FAT1: variants seen among roughly 807,000 people sequenced by gnomAD.
FAT1 encodes the protein FAT atypical cadherin 1, also known as protocadherin Fat 1.
FAT1 carries 171 observed loss-of-function variants against 329.8 expected under a neutral mutation model. That is an observed-to-expected ratio of 0.52 (90% CI 0.46 to 0.59). The LOEUF is 0.59. Among genes scored for constraint, FAT1 ranks in the 20% least tolerant of loss-of-function variants. The probability of loss-of-function intolerance (pLI) is 0.00; values close to 1 mark genes in which losing one functional copy is unlikely to be tolerated. For missense variants in FAT1, 5,672 were observed against 5,774.4 expected (o/e 0.98, Z 0.57); for synonymous variants, 2,233 against 2,228.6 (o/e 1.00, Z -0.06).
At chr4:186,641,501 G>A (rs1233555250) in intron 3 of FAT1, among the ~76,000 whole-genome samples, 11 of 152,212 alleles carry the variant, frequency 7.2e-5, no homozygotes, top group South Asian at 2.1e-4. Context: ...TTATTGTAAT[G>A]TGTCCACCAA....
At chr4:186,590,345 A>C in intron 26 of FAT1, 1 of 1,284,100 alleles carries the variant, frequency 7.8e-7, no homozygotes, top group Non-Finnish European at 1.0e-6. Context: ...AGTATCAATG[A>C]ATAACTGGCA....
chr4:186,705,374 A>T (rs1354260259), intron 2 of FAT1, among the ~76,000 whole-genome samples: 1 of 152,154 alleles, frequency 6.6e-6, no homozygotes, highest in Non-Finnish European at 1.5e-5. Context: ...TACTGAATAT[A>T]TAAAGTTTAA....
At chr4:186,642,585 C>T (rs188976912) in intron 3 of FAT1, among the ~76,000 whole-genome samples, 107 of 152,262 alleles carry the variant, frequency 7.0e-4, no homozygotes, top group African/African-American at 2.2e-3. Flanking sequence ...ACAGAGAATG[C>T]GTTAGTACAT....
At chr4:186,701,623 C>T (rs1456777091) in intron 2 of FAT1, among the ~76,000 whole-genome samples, 1 of 152,208 alleles carries the variant, frequency 6.6e-6, no homozygotes, top group Non-Finnish European at 1.5e-5. Flanking sequence ...CCAGCAGCCA[C>T]CCAGCTCTCA....
In FAT1 at chr4:186,600,236, T is replaced by A. The variant is rs368017987; in HGVS notation, c.11765A>T (p.Tyr3922Phe). ...HAVALEVNGN[Y>F]ARLVLDQVHT... ...AACTTGGTCTAGAACCAAGCGAGCA[T>A]AGTTTCCATTCACTTCCAGGGCCAC... is the stretch of plus-strand genomic sequence containing the variant. The change falls in exon 22 of 27, where the codon TAT becomes TTT. Residue 3922 changes from tyrosine (Y) to phenylalanine (F), a missense_variant. Transcript: ENST00000441802. 6.2e-7 allele frequency: 1 copy of A among 1,613,900 alleles called. No individual in the cohort carries two copies. The highest frequency in any genetic ancestry group is 8.5e-7 in the Non-Finnish European group (1 of 1,179,900).
rs747735486 is a variant in FAT1 at position 186,606,135 on chromosome 4, C to T, written c.10285G>A (p.Asp3429Asn). Residue 3429 changes from aspartate (D) to asparagine (N), a missense_variant, in exon 17 of 27, where the codon GAT becomes AAT. Transcript: ENST00000441802. ...GCGTTGTCATTGACATCGGACACAT[C>T]GATGTTCACGGTCGTCGTGTTGACT... ...PRVNTTTVNI[D>N]VSDVNDNAPV... The T allele has an allele frequency of 5.0e-6, 8 of 1,613,300 alleles. No individual in the cohort carries two copies. The highest frequency in any genetic ancestry group is 6.8e-6 in the Non-Finnish European group (8 of 1,179,792).
In FAT1 at chr4:186,617,840, G is replaced by T; in HGVS notation, c.8746C>A (p.Pro2916Thr). The stretch of plus-strand genomic sequence containing the variant: ...TTATAGATCTCGGCCGTGAATCGTG[G>T]TGGACTATCGTTGACATCGGTGACG... The part of the protein sequence containing the change: ...VTVTDVNDSP[P>T]RFTAEIYKGT... Residue 2916 changes from proline (P) to threonine (T), a missense_variant, in exon 10 of 27, where the codon CCA becomes ACA. Around this residue, in one of 2 missense-constraint regions of FAT1, gnomAD observed 3,966 missense variants for 3,915.2 expected, o/e 1.01. Coordinates refer to ENST00000441802, the MANE Select transcript of FAT1 (RefSeq NM_005245.4). The T allele has an allele frequency of 4.3e-6, 7 of 1,613,896 alleles. No individual in the cohort carries two copies. Among genetic ancestry groups the T allele is most frequent in the Non-Finnish European group, 5.9e-6 (7 of 1,179,876 alleles).
intron 3 of FAT1, among the ~76,000 whole-genome samples, chr4:186,651,306 AAAATG>A (rs1322442090): frequency 6.6e-6 from 1 of 152,096 alleles, no homozygotes; most frequent in Non-Finnish European, 1.5e-5. Flanking sequence ...CAGCTTAAAT[AAAATG>A]AAACGGCCCC....
In FAT1 at chr4:186,708,832, G is replaced by A. The variant is rs1453112127; in HGVS notation, c.996C>T (p.Tyr332=). 1.2e-6 allele frequency: 2 copies of A among 1,613,966 alleles called. No homozygotes were observed. Among genetic ancestry groups the A allele is most frequent in the Admixed American group, 3.3e-5 (2 of 60,020 alleles). The change falls in exon 2 of 27, where the codon TAC becomes TAT. Residue 332 remains tyrosine, a synonymous_variant. Coordinates refer to ENST00000441802, the MANE Select transcript of FAT1 (RefSeq NM_005245.4). ...GIDWDSHPFG[Y]NLTLQAKDKG... ...TATCTTTAGCCTGTAGTGTGAGATT[G>A]TAGCCGAAAGGATGACTGTCCCAAT...
At chr4:186,683,426 G>C (rs1303983686) in intron 2 of FAT1, among the ~76,000 whole-genome samples, 1 of 152,194 alleles carries the variant, frequency 6.6e-6, no homozygotes, top group Non-Finnish European at 1.5e-5. Flanking sequence ...TGGGCACCTA[G>C]AGCAGGTTCT....
chr4:186,663,652 C>T lies in FAT1; in HGVS notation c.3266-39G>A, dbSNP rs147149211. ...AGAAAAGCGTAAAGCAGCACATCAA[C>T]GACCAAAACTGCCAGCTTCAGAAAG... is the stretch of plus-strand genomic sequence containing the variant. On this transcript the variant is annotated intron_variant, in intron 2 of 26. Coordinates refer to ENST00000441802, the MANE Select transcript of FAT1 (RefSeq NM_005245.4). 1.6e-3 allele frequency: 2,474 copies of T among 1,505,680 alleles called. 2 individuals carry two copies. The highest frequency in any genetic ancestry group is 2.4e-3 in the Admixed American group (116 of 49,034). 93.3% of individuals were successfully genotyped at this position (1,505,680 alleles called of 1,614,324 possible). A position where few individuals can be genotyped will look rare whatever the true frequency, so the allele number is the denominator to read the frequency against.
In FAT1 at chr4:186,588,565, G is replaced by C. The variant is rs116113983; in HGVS notation, c.*27C>G. ...TCACATCACCTCTAGGTTCACTAAA[G>C]TCAGGCACTTTGGGGGGAGTTGAGA... On this transcript the variant is annotated 3_prime_UTR_variant, in exon 27 of 27. Transcript: ENST00000441802. 5.2e-4 allele frequency: 829 copies of C among 1,591,474 alleles called. 3 individuals carry two copies. In the African/African-American group the frequency reaches 0.01, roughly 19 times the overall value.
At chr4:186,687,259 T>C (rs1006807887) in intron 2 of FAT1, among the ~76,000 whole-genome samples, 1 of 152,152 alleles carries the variant, frequency 6.6e-6, no homozygotes, top group Non-Finnish European at 1.5e-5. Flanking sequence ...CTGACTGAAT[T>C]AGTATTTTCC....
Position 186,621,614 on chromosome 4 carries a change from T to C in FAT1, c.4972A>G (p.Thr1658Ala), listed in dbSNP as rs754752151. 4 of 1,614,040 alleles carry C rather than the reference T, an allele frequency of 2.5e-6. No homozygotes were observed. The highest frequency in any genetic ancestry group is 2.5e-6 in the Non-Finnish European group (3 of 1,179,906). ...TTCGGAGAGGCGTTGTCAGCAATTG[T>C]GACAAAGATACGCACAGAAGTTATT... ...SEITSVRIFV[T>A]IADNASPKFT... The change falls in exon 10 of 27, where the codon ACA becomes GCA. Residue 1658 changes from threonine (T) to alanine (A), a missense_variant. Thr to Ala is a moderately conservative substitution (Grantham distance 58, BLOSUM62 0). Coordinates refer to ENST00000441802, the MANE Select transcript of FAT1 (RefSeq NM_005245.4).
At chr4:186,673,161 A>T (rs1437909038) in intron 2 of FAT1, among the ~76,000 whole-genome samples, 3 of 152,236 alleles carry the variant, frequency 2.0e-5, no homozygotes, top group Non-Finnish European at 4.4e-5. Flanking sequence ...GTGCAGAGAA[A>T]AAAGGTCTGA....
intron 3 of FAT1, among the ~76,000 whole-genome samples, chr4:186,644,164 C>A (rs1465294814): frequency 6.6e-6 from 1 of 152,146 alleles, no homozygotes; most frequent in Admixed American, 6.5e-5. Context: ...TCACACCTGA[C>A]TGCGTAATTT....
intron 3 of FAT1, among the ~76,000 whole-genome samples, chr4:186,648,116 C>G (rs1348467084): frequency 6.6e-6 from 1 of 152,058 alleles, no homozygotes; most frequent in African/African-American, 2.4e-5. Context: ...AGCTGTGACA[C>G]GTTCAACCCT....
chr4:186,617,324 G>T (rs1739760933), intron 10 of FAT1, 123 bp from the exon 11 acceptor site: 3 of 731,800 alleles, frequency 4.1e-6, no homozygotes, highest in Non-Finnish European at 6.2e-6. Context: ...AGTATTAAAA[G>T]AATTAATTTG....
At chr4:186,643,188 A>G (rs1453216964) in intron 3 of FAT1, among the ~76,000 whole-genome samples, 1 of 152,150 alleles carries the variant, frequency 6.6e-6, no homozygotes, top group African/African-American at 2.4e-5. Context: ...GGGGCCGGTG[A>G]CGACAGCATG....
Sources: gnomAD v4.1 joint callset for allele counts (sites outside exome capture counted in the v4.1 genomes callset) on GRCh38, gnomAD v4.1.1 for gene constraint, gnomAD v4.1.1 regional missense constraint, MANE v1.5 for transcripts, NCBI Gene and HGNC (gene_info 2026-07-23, HGNC 2026-07-21) for gene names.